The following ACAD10 variants were observed in gnomAD, a reference collection of about 807,000 sequenced individuals.
ACAD10 encodes acyl-CoA dehydrogenase family member 10.
In ACAD10, 112 loss-of-function variants were observed where a neutral mutation model predicts 116.8. That is an observed-to-expected ratio of 0.96 (90% CI 0.82 to 1.12). ACAD10 has a LOEUF of 1.12. Ranked by LOEUF, ACAD10 falls within the 50% of genes most tolerant of loss-of-function variation. The probability of loss-of-function intolerance (pLI) is 0.00; values close to 1 mark genes in which losing one functional copy is unlikely to be tolerated. For missense variants in ACAD10, 1,259 were observed against 1,350.2 expected (o/e 0.93, Z 1.06); for synonymous variants, 486 against 510.6 (o/e 0.95, Z 0.65).
chr12:111,756,064 A>T, intron 20 of ACAD10: 6 of 1,216,132 alleles, frequency 4.9e-6, no homozygotes, highest in Non-Finnish European at 6.6e-6. Flanking sequence ...TTTCCCATGC[A>T]GGGGGGCCGC....
intron 7 of ACAD10, 64 bp from the exon 8 acceptor site, chr12:111,721,607 G>A: frequency 1.4e-6 from 2 of 1,411,240 alleles, no homozygotes; most frequent in Non-Finnish European, 9.9e-7. Flanking sequence ...ACAAAGAAAA[G>A]TAACTTCAAG....
chr12:111,716,114 C>T, intron 7 of ACAD10, 152 bp downstream of exon 7: 1 of 1,186,662 alleles, frequency 8.4e-7, no homozygotes, highest in Non-Finnish European at 1.2e-6. Context: ...ACCTATAATC[C>T]CAGTGCCTTG....
intron 5 of ACAD10, chr12:111,710,187 T>A (rs1888631114): frequency 7.4e-6 from 3 of 402,982 alleles, no homozygotes; most frequent in South Asian, 5.4e-5. Context: ...CCTCCTGGGC[T>A]TAAGTGATCC....
At chr12:111,750,714 G>C (rs1890051848) in intron 18 of ACAD10, among the ~76,000 whole-genome samples, 1 of 152,126 alleles carries the variant, frequency 6.6e-6, no homozygotes, top group African/African-American at 2.4e-5. Flanking sequence ...ACTTTATTCG[G>C]CCATAATCCT....
chr12:111,703,129 A>T (rs972773856), intron 3 of ACAD10, among the ~76,000 whole-genome samples: 1 of 151,560 alleles, frequency 6.6e-6, no homozygotes, highest in Non-Finnish European at 1.5e-5. Context: ...TCCAGCATAT[A>T]TTTTTTTAAT....
At chr12:111,695,743 G>A (rs1283652165) in intron 2 of ACAD10, among the ~76,000 whole-genome samples, 1 of 152,124 alleles carries the variant, frequency 6.6e-6, no homozygotes, top group Admixed American at 6.6e-5. Context: ...GCCAGGTGCG[G>A]TGGCTCATGC....
At chr12:111,746,364 A>G (rs189352258) in intron 14 of ACAD10, 80 bp downstream of exon 14, 2 of 1,429,072 alleles carry the variant, frequency 1.4e-6, no homozygotes, top group East Asian at 5.2e-5. Context: ...GATAAACCAG[A>G]TTCAGAAGCA....
intron 1 of ACAD10, chr12:111,688,346 A>G (rs1887940013): frequency 2.0e-5 from 3 of 152,232 alleles, no homozygotes; most frequent in South Asian, 2.1e-4. Flanking sequence ...CAAATTTCCA[A>G]TTACTGTCGT....
chr12:111,744,507 T>TCTTA, intron 12 of ACAD10, 136 bp from the exon 13 acceptor site: 2 of 1,074,928 alleles, frequency 1.9e-6, no homozygotes, highest in Non-Finnish European at 2.7e-6. Flanking sequence ...CTATAGTGGC[T>TCTTA]CTTAGCACAG....
chr12:111,745,443 T>A, intron 13 of ACAD10: 1 of 276,834 alleles, frequency 3.6e-6, no homozygotes, highest in Non-Finnish European at 6.7e-6. Flanking sequence ...AGTTTCTGTG[T>A]TGTCTCCCAG....
intron 8 of ACAD10, chr12:111,721,975 T>C: frequency 2.8e-6 from 1 of 355,818 alleles, no homozygotes; most frequent in Non-Finnish European, 5.0e-6. Context: ...AAAAAATACA[T>C]ATTAATCTAG....
intron 12 of ACAD10, among the ~76,000 whole-genome samples, 170 bp downstream of exon 12, chr12:111,737,174 A>G (rs1889591939): frequency 6.6e-6 from 1 of 151,894 alleles, no homozygotes; most frequent in Non-Finnish European, 1.5e-5. Context: ...TTTCTTTACA[A>G]TATTTATTTA....
chr12:111,691,734 AC>A (rs933475624), intron 1 of ACAD10, among the ~76,000 whole-genome samples: 4 of 148,990 alleles, frequency 2.7e-5, no homozygotes, highest in African/African-American at 9.9e-5. Flanking sequence ...TAGCTGGATT[AC>A]AGGCACCCAA....
chr12:111,712,360 A>G (rs771207370), intron 5 of ACAD10, 138 bp from the exon 6 acceptor site: 69 of 772,192 alleles, frequency 8.9e-5, no homozygotes, highest in Non-Finnish European at 1.2e-4. Context: ...CCTGTTCAAT[A>G]TATATTCTCT....
intron 10 of ACAD10, among the ~76,000 whole-genome samples, chr12:111,731,535 G>A (rs1889383759): frequency 2.6e-5 from 4 of 152,182 alleles, no homozygotes; most frequent in African/African-American, 9.7e-5. Flanking sequence ...ATCCACGAAT[G>A]TGATCAAGTA....
chr12:111,736,818 G>A lies in ACAD10; in HGVS notation c.1541-13G>A, dbSNP rs752886022. 2.5e-6 allele frequency: 4 copies of A among 1,609,388 alleles called. No individual in the cohort carries two copies. Among genetic ancestry groups the A allele is most frequent in the Non-Finnish European group, 3.4e-6 (4 of 1,177,926 alleles). ...TCAGTGACTACCCATGAATGGCTCT[G>A]TCTTTCTCGCAGGTATTAATGACTG... On this transcript the variant is annotated splice_polypyrimidine_tract_variant and intron_variant, in intron 11 of 20. Transcript: ENST00000313698.
rs142327977 is a variant in ACAD10, at chr12:111,732,338, G to A, written c.1395-1585G>A. 7.2e-5 allele frequency among the ~76,000 whole-genome samples: 11 copies of A among 152,052 alleles called. No homozygotes were observed. In the East Asian group the frequency reaches 1.9e-3, roughly 27 times the overall value. ...GTCATAAGTCTCAAAAAAGATAATC[G>A]AAGTAGAAAAAAGTTTCAAAAGGGT... On this transcript the variant is annotated intron_variant, in intron 10 of 20. Coordinates refer to ENST00000313698, the MANE Select transcript of ACAD10 (RefSeq NM_025247.6).
At chr12:111,755,875 A>C (rs755651114) in intron 20 of ACAD10, 130 bp downstream of exon 20, 1 of 958,044 alleles carries the variant, frequency 1.0e-6, no homozygotes, top group Non-Finnish European at 1.7e-6. Context: ...CATGCATGCA[A>C]CTTTCCTTTT....
rs145524708 is a variant in ACAD10 at position 111,734,061 on chromosome 12, G to A, written c.1533G>A (p.Val511=). The A allele has an allele frequency of 1.2e-6, 2 of 1,614,058 alleles. No homozygotes were observed. The highest frequency in any genetic ancestry group is 1.1e-5 in the South Asian group (1 of 91,090). The change falls in exon 11 of 21, where the codon GTG becomes GTA. Residue 511 remains valine (V), a synonymous_variant. Transcript: ENST00000313698. ...LAHYLPSSFP[V]LRGINDCDLT... is the part of the protein sequence containing the mutation. ...ATTACCTGCCATCCAGTTTTCCCGT[G>A]CTGAGAGGTAGGAACTGCTGCTGGA...
Sources: gnomAD v4.1 joint callset for allele counts (sites outside exome capture counted in the v4.1 genomes callset) on GRCh38, gnomAD v4.1.1 for gene constraint, MANE v1.5 for transcripts, NCBI Gene and HGNC (gene_info 2026-07-23, HGNC 2026-07-21) for gene names.